ARB2A: variants seen among roughly 807,000 people sequenced by gnomAD.
ARB2A encodes the protein ARB2 cotranscriptional regulator A.
chr5:94,016,770 C>T, the ARB2A span, among the ~76,000 whole-genome samples: 3 of 152,172 alleles, frequency 2.0e-5, no homozygotes, highest in Non-Finnish European at 4.4e-5. Flanking sequence ...GCTGTCTCAG[C>T]TTCTCCTTAT....
the ARB2A span, among the ~76,000 whole-genome samples, chr5:93,831,470 C>T: frequency 1.3e-5 from 2 of 152,104 alleles, no homozygotes; most frequent in Non-Finnish European, 2.9e-5. Context: ...AGTCTGAAAG[C>T]CCTAGACAAA....
At chr5:94,068,281 T>G in the ARB2A span, among the ~76,000 whole-genome samples, 1 of 152,192 alleles carries the variant, frequency 6.6e-6, no homozygotes, top group Admixed American at 6.5e-5. Flanking sequence ...GCAGGAACAA[T>G]GGCGAGCCTC....
At chr5:93,648,162 A>AT in the ARB2A span, among the ~76,000 whole-genome samples, 3 of 150,252 alleles carry the variant, frequency 2.0e-5, no homozygotes, top group South Asian at 6.3e-4. Context: ...AAAAAAAAAA[A>AT]GATTTAATAA....
At chr5:93,633,546 C>T in the ARB2A span, among the ~76,000 whole-genome samples, 5 of 152,158 alleles carry the variant, frequency 3.3e-5, no homozygotes, top group Non-Finnish European at 5.9e-5. Flanking sequence ...GGTCCAGTTC[C>T]ATTGACATTC....
At chr5:93,836,269 C>T in the ARB2A span, among the ~76,000 whole-genome samples, 3 of 152,114 alleles carry the variant, frequency 2.0e-5, no homozygotes, top group Non-Finnish European at 2.9e-5. Context: ...CCTCATGATC[C>T]GCCCACCTCG....
chr5:93,906,900 GTAC>G, the ARB2A span, among the ~76,000 whole-genome samples: 1 of 151,480 alleles, frequency 6.6e-6, no homozygotes, highest in Admixed American at 6.6e-5. Flanking sequence ...GTCTCCCCAA[GTAC>G]TTATGCTGCA....
the ARB2A span, among the ~76,000 whole-genome samples, chr5:93,787,216 G>C: frequency 6.6e-6 from 1 of 152,016 alleles, no homozygotes; most frequent in African/African-American, 2.4e-5. Context: ...ATATATTCTT[G>C]AATTATGAAA....
the ARB2A span, among the ~76,000 whole-genome samples, chr5:93,772,890 C>G: frequency 6.6e-6 from 1 of 152,242 alleles, no homozygotes; most frequent in African/African-American, 2.4e-5. Context: ...ATTCACTGCT[C>G]TTACCACGTT....
At chr5:94,083,888 G>C in the ARB2A span, among the ~76,000 whole-genome samples, 1 of 150,496 alleles carries the variant, frequency 6.6e-6, no homozygotes, top group African/African-American at 2.4e-5. Flanking sequence ...AAGATGGCTT[G>C]CTCTAAGATT....
At chr5:93,630,506 G>C in the ARB2A span, among the ~76,000 whole-genome samples, 1 of 152,204 alleles carries the variant, frequency 6.6e-6, no homozygotes, top group Non-Finnish European at 1.5e-5. Flanking sequence ...AAAATCAGCA[G>C]CAGACACTTT....
the ARB2A span, among the ~76,000 whole-genome samples, chr5:94,026,149 CT>C: frequency 5.9e-5 from 9 of 152,070 alleles, no homozygotes; most frequent in Non-Finnish European, 1.3e-4. Flanking sequence ...TGCTAATTAG[CT>C]TTTTCAGTCC....
the ARB2A span, among the ~76,000 whole-genome samples, chr5:94,043,183 C>G: frequency 6.6e-6 from 1 of 151,990 alleles, no homozygotes; most frequent in Non-Finnish European, 1.5e-5. Context: ...TCATGGAGAC[C>G]TGAAGTGTTC....
the ARB2A span, chr5:93,741,658 G>C: frequency 7.2e-7 from 1 of 1,386,644 alleles, no homozygotes; most frequent in Non-Finnish European, 9.5e-7. Flanking sequence ...CCCCCCAGTG[G>C]GCGGAGAAGG....
the ARB2A span, among the ~76,000 whole-genome samples, chr5:93,880,241 G>A: frequency 3.3e-5 from 5 of 151,532 alleles, no homozygotes; most frequent in African/African-American, 1.2e-4. Flanking sequence ...TTGGGGTCTT[G>A]GGAATATATA....
the ARB2A span, among the ~76,000 whole-genome samples, chr5:93,631,406 G>C: frequency 7.2e-5 from 11 of 152,268 alleles, no homozygotes; most frequent in South Asian, 2.3e-3. Flanking sequence ...TTGCCACAAG[G>C]TCTTGCCTCC....
At chr5:93,636,813 G>T in the ARB2A span, among the ~76,000 whole-genome samples, 1 of 152,136 alleles carries the variant, frequency 6.6e-6, no homozygotes, top group Non-Finnish European at 1.5e-5. Flanking sequence ...AAGAGGATTT[G>T]CACTTCATAT....
the ARB2A span, among the ~76,000 whole-genome samples, chr5:94,092,653 T>C: frequency 6.6e-6 from 1 of 152,222 alleles, no homozygotes; most frequent in African/African-American, 2.4e-5. Flanking sequence ...TTATACTTAG[T>C]TCCTCAAATA....
the ARB2A span, among the ~76,000 whole-genome samples, chr5:93,767,733 G>A: frequency 9.2e-5 from 14 of 152,058 alleles, no homozygotes; most frequent in Admixed American, 3.9e-4. Flanking sequence ...GTTGGCTCAC[G>A]TCTGTAATCC....
At chr5:93,762,650 TC>T in the ARB2A span, among the ~76,000 whole-genome samples, 14,127 of 152,054 alleles carry the variant, frequency 0.093, 809 homozygotes, top group Middle Eastern at 0.17. Flanking sequence ...CAAGAGAAAT[TC>T]CCCAATCTAG....
Sources: gnomAD v4.1 joint callset for allele counts (sites outside exome capture counted in the v4.1 genomes callset) on GRCh38, gnomAD v4.1.1 for gene constraint, MANE v1.5 for transcripts, NCBI Gene and HGNC (gene_info 2026-07-23, HGNC 2026-07-21) for gene names.